ABCA13: variants seen among roughly 807,000 people sequenced by gnomAD.
ABCA13 encodes the protein ATP binding cassette subfamily A member 13, also known as ATP-binding cassette sub-family A member 13.
ABCA13 carries 476 observed loss-of-function variants against 478.7 expected under a neutral mutation model. The ratio of observed to expected loss-of-function variants is 0.99; its 90% CI spans 0.92 to 1.07. The LOEUF (loss-of-function observed/expected upper bound fraction) is 1.07. Among genes scored for constraint, ABCA13 ranks in the 50% least tolerant of loss-of-function variants. The probability of loss-of-function intolerance (pLI) is 0.00; values close to 1 mark genes in which losing one functional copy is unlikely to be tolerated. For synonymous variants in ABCA13, 2,252 were observed against 2,158.9 expected, an observed-to-expected ratio of 1.04 and a Z score of -1.20; for missense variants, 6,060 against 5,910.6, an observed-to-expected ratio of 1.03 and a Z score of -0.83.
intron 5 of ABCA13, among the ~76,000 whole-genome samples, chr7:48,225,131 GCCTGCCTTCCTTCCTTCCTT>G (rs1225799736): frequency 2.5e-4 from 27 of 106,714 alleles, no homozygotes; most frequent in Admixed American, 1.2e-3. Context: ...CTGCCTGCCT[GCCTGCCTTCCTTCCTTCCTT>G]CCTTCCTTCC....
chr7:48,172,666 C>T (rs1473400086), intron 1 of ABCA13, among the ~76,000 whole-genome samples: 3 of 151,100 alleles, frequency 2.0e-5, no homozygotes, highest in Admixed American at 6.6e-5. Context: ...GGTGTGGTGG[C>T]GGACGTCTGT....
Position 48,507,871 on chromosome 7 carries a change from G to T in ABCA13, c.13347-1G>T, listed in dbSNP as rs1378948416. On this transcript the variant is annotated splice_acceptor_variant, in intron 49 of 61. Coordinates refer to ENST00000435803, the MANE Select transcript of ABCA13 (RefSeq NM_152701.5). LOFTEE classifies it high-confidence loss of function. ...TGAGAGCTGCTCTGTTCCACCCGCA[G>T]CCTGGAGAGCATCCGTCAGTGTGGA... is the stretch of plus-strand genomic sequence containing the variant. 4 of 1,603,902 alleles carry T rather than the reference G, an allele frequency of 2.5e-6. No individual in the cohort carries two copies. The African/African-American group carries it at 4.0e-5, about 16-fold the overall frequency.
chr7:48,432,013 A>T (rs1404636708), intron 42 of ABCA13, among the ~76,000 whole-genome samples: 1 of 152,186 alleles, frequency 6.6e-6, no homozygotes, highest in Non-Finnish European at 1.5e-5. Context: ...CTTTTTTAAA[A>T]TTTTTTAATT....
At chr7:48,229,165 T>C (rs764835293) in intron 6 of ABCA13, among the ~76,000 whole-genome samples, 2 of 152,190 alleles carry the variant, frequency 1.3e-5, no homozygotes, top group Admixed American at 6.5e-5. Context: ...AAAATGCAGA[T>C]ATATTCCAAC....
chr7:48,327,977 G>C (rs1804586149), intron 27 of ABCA13, among the ~76,000 whole-genome samples: 1 of 152,198 alleles, frequency 6.6e-6, no homozygotes, highest in South Asian at 2.1e-4. Context: ...GATATAGACT[G>C]ATCTTCAGGA....
intron 23 of ABCA13, among the ~76,000 whole-genome samples, chr7:48,307,926 C>T (rs534267376): frequency 3.9e-5 from 6 of 152,228 alleles, no homozygotes; most frequent in African/African-American, 7.2e-5. Context: ...TCAGGCAATC[C>T]GCCTGCCTTA....
intron 27 of ABCA13, among the ~76,000 whole-genome samples, chr7:48,324,591 G>A (rs941700729): frequency 1.3e-5 from 2 of 152,314 alleles, no homozygotes; most frequent in South Asian, 4.1e-4. Context: ...GCTGGTTATG[G>A]AATCACATTG....
chr7:48,454,392 C>T (rs920968964), intron 42 of ABCA13, among the ~76,000 whole-genome samples: 2 of 152,192 alleles, frequency 1.3e-5, no homozygotes, highest in African/African-American at 4.8e-5. Context: ...GGGAGCGTGG[C>T]CGGATGATCA....
At position 48,273,562 on chromosome 7, in the gene ABCA13, T is replaced by C. The variant is rs748658024; in HGVS notation, c.3896T>C (p.Val1299Ala). 1 of 1,582,478 alleles carries C rather than the reference T, an allele frequency of 6.3e-7. No homozygotes were observed. The highest frequency in any genetic ancestry group is 2.3e-5 in the East Asian group (1 of 43,940). ...IEFSSTSEYI[V>A]RNLDSINDFL... ...TTTAGCAGTACCTCAGAATATATAG[T>C]CAGAAATCTAGATTCAATAAATGAC... The change falls in exon 17 of 62, where the codon GTC becomes GCC. Residue 1299 changes from valine (V) to alanine (A), a missense_variant. Physicochemically the swap from Val to Ala is moderately conservative, Grantham distance 64. This residue lies in a region of ABCA13 where 4,423 missense variants were observed against 4,309.1 expected (regional missense o/e 1.03). Coordinates refer to ENST00000435803, the MANE Select transcript of ABCA13 (RefSeq NM_152701.5).
chr7:48,467,379 T>C (rs1421733283), intron 44 of ABCA13, among the ~76,000 whole-genome samples: 2 of 152,198 alleles, frequency 1.3e-5, no homozygotes. Context: ...CTGAATTATG[T>C]CTTAGCTATT....
Position 48,275,043 on chromosome 7 carries a change from A to AGGAAGAC in ABCA13, c.5377_5378insGGAAGAC (p.Ile1793ArgfsTer13), listed in dbSNP as rs1796113583. On this transcript the variant is annotated frameshift_variant, in exon 17 of 62. Coordinates refer to ENST00000435803, the MANE Select transcript of ABCA13 (RefSeq NM_152701.5). LOFTEE classifies it high-confidence loss of function. ...AAATATCACCAAGGAAGACTTCGCAATTGTGATAAAAATTCTTTTGGATAC... is the reference window on the plus strand; with the variant it reads ...AAATATCACCAAGGAAGACTTCGCAAGGAAGACTTGTGATAAAAATTCTTTTGGATAC... The AGGAAGAC allele has an allele frequency of 6.2e-7, 1 of 1,613,636 alleles. No homozygotes were observed.
chr7:48,442,986 A>C (rs1823832331), intron 42 of ABCA13, among the ~76,000 whole-genome samples: 1 of 152,332 alleles, frequency 6.6e-6, no homozygotes, highest in Admixed American at 6.5e-5. Flanking sequence ...ACTTTAAAAA[A>C]GGCAATGAGG....
chr7:48,483,874 A>G (rs1330809763), intron 47 of ABCA13, among the ~76,000 whole-genome samples: 2 of 152,198 alleles, frequency 1.3e-5, no homozygotes, highest in Non-Finnish European at 2.9e-5. Flanking sequence ...TTGAGAGAGA[A>G]ATCAGAAAAG....
chr7:48,230,918 G>A (rs1338448778), intron 7 of ABCA13, among the ~76,000 whole-genome samples: 1 of 152,142 alleles, frequency 6.6e-6, no homozygotes, highest in Non-Finnish European at 1.5e-5. Flanking sequence ...TCCCCAGAGA[G>A]TGGGAATAAA....
chr7:48,256,247 G>A (rs1428017907), intron 15 of ABCA13, among the ~76,000 whole-genome samples: 2 of 152,092 alleles, frequency 1.3e-5, no homozygotes, highest in Non-Finnish European at 2.9e-5. Flanking sequence ...TCTGTAGGGT[G>A]TCTGTTTACT....
Position 48,275,301 on chromosome 7 carries a change from C to A in ABCA13, c.5635C>A (p.Arg1879=). The change falls in exon 17 of 62, where the codon CGA becomes AGA. Residue 1879 remains arginine (R), a synonymous_variant. Coordinates refer to ENST00000435803, the MANE Select transcript of ABCA13 (RefSeq NM_152701.5). The part of the protein sequence containing the change: ...EDSPCSNESS[R]MEITRKVVCI... ...TTCACCATGTTCAAATGAAAGCTCCCGAATGGAAATAACTAGGAAAGTGGT... is the reference window on the plus strand; with the variant it reads ...TTCACCATGTTCAAATGAAAGCTCCAGAATGGAAATAACTAGGAAAGTGGT... The A allele has an allele frequency of 1.2e-6, 2 of 1,613,832 alleles. No individual in the cohort carries two copies. The highest frequency in any genetic ancestry group is 3.3e-5 in the Admixed American group (2 of 59,998).
chr7:48,594,942 T>C (rs549056074), intron 58 of ABCA13, 129 bp downstream of exon 58: 3 of 752,758 alleles, frequency 4.0e-6, no homozygotes, highest in East Asian at 5.3e-5. Context: ...ATAATGGTGA[T>C]ATTATTGTTA....
chr7:48,494,428 T>C (rs1363237124), intron 48 of ABCA13, among the ~76,000 whole-genome samples: 2 of 152,106 alleles, frequency 1.3e-5, no homozygotes, highest in African/African-American at 4.8e-5. Flanking sequence ...GCTTTGGGTA[T>C]ATTTGAGATA....
intron 15 of ABCA13, among the ~76,000 whole-genome samples, chr7:48,260,806 C>T (rs1794067016): frequency 6.6e-6 from 1 of 151,964 alleles, no homozygotes; most frequent in Non-Finnish European, 1.5e-5. Flanking sequence ...GGGTCACTCT[C>T]TGGTGATTCT....
Sources: allele counts gnomAD v4.1 joint callset (sites outside exome capture counted in the v4.1 genomes callset), GRCh38; gene constraint gnomAD v4.1.1; regional missense constraint gnomAD v4.1.1; transcripts MANE v1.5; gene names NCBI Gene and HGNC (gene_info 2026-07-23, HGNC 2026-07-21).